The following MAST4 variants were observed in gnomAD, a reference collection of about 807,000 sequenced individuals.
MAST4 encodes microtubule associated serine/threonine kinase family member 4.
A neutral mutation model predicts 162.7 loss-of-function variants in MAST4; 89 were observed. That is an observed-to-expected ratio of 0.55 (90% confidence interval 0.46 to 0.65). MAST4 has a LOEUF of 0.65. MAST4 is among the 30% of genes least tolerant of loss of function. MAST4 has a pLI of 0.00. For missense variants in MAST4, 3,153 were observed against 3,374.0 expected, an observed-to-expected ratio of 0.93 and a Z score of 1.62; for synonymous variants, 1,479 against 1,361.1, an observed-to-expected ratio of 1.09 and a Z score of -1.91.
At chr5:67,130,124 T>G (rs1317933726) in intron 14 of MAST4, 86 bp from the exon 15 acceptor site, 3 of 1,273,136 alleles carry the variant, frequency 2.4e-6, no homozygotes, top group Non-Finnish European at 2.2e-6. Flanking sequence ...TTTTAAAAAG[T>G]TGATGATTTA....
In MAST4 at chr5:67,168,848, G is replaced by A. The variant is rs1774325578; in HGVS notation, c.*1797G>A. 6.6e-6 allele frequency: 1 copy of A among 151,970 alleles called. No individual in the cohort carries two copies. The highest frequency in any genetic ancestry group is 1.5e-5 in the Non-Finnish European group (1 of 68,014). 9.4% of individuals were successfully genotyped at this position (151,970 alleles called of 1,614,324 possible). On this transcript the variant is annotated 3_prime_UTR_variant, in exon 29 of 29. Coordinates refer to ENST00000403625, the MANE Select transcript of MAST4 (RefSeq NM_001164664.2). ...AAACAAAGGCATAACTTAACCGACT[G>A]CTCAGTTGTCCTTCGTTGTAAAATG...
At chr5:66,845,278 C>A (rs1431197340) in intron 3 of MAST4, among the ~76,000 whole-genome samples, 1 of 151,512 alleles carries the variant, frequency 6.6e-6, no homozygotes, top group Non-Finnish European at 1.5e-5. Flanking sequence ...ATCCCTCCAC[C>A]CCACAACAGG....
chr5:66,926,013 G>C (rs892810473), intron 4 of MAST4, among the ~76,000 whole-genome samples: 6 of 151,276 alleles, frequency 4.0e-5, no homozygotes, highest in Admixed American at 4.0e-4. Context: ...ATTAATGTTT[G>C]ACCAGTCTTC....
At chr5:67,045,466 T>G (rs1284797221) in intron 4 of MAST4, among the ~76,000 whole-genome samples, 3 of 152,168 alleles carry the variant, frequency 2.0e-5, no homozygotes, top group African/African-American at 7.2e-5. Context: ...GGAGAATAAC[T>G]CAGGAGAAAT....
intron 4 of MAST4, among the ~76,000 whole-genome samples, chr5:66,901,178 T>C (rs1180083467): frequency 1.3e-5 from 2 of 152,146 alleles, no homozygotes; most frequent in Non-Finnish European, 2.9e-5. Flanking sequence ...AATACTTTTA[T>C]AGAAAAAAAT....
chr5:66,776,753 A>G (rs892694040), intron 2 of MAST4, among the ~76,000 whole-genome samples: 4 of 152,338 alleles, frequency 2.6e-5, no homozygotes, highest in African/African-American at 4.8e-5. Flanking sequence ...ATATTGTGCT[A>G]GGTGTGACGT....
intron 26 of MAST4, among the ~76,000 whole-genome samples, chr5:67,158,448 C>T (rs1364209582): frequency 1.3e-5 from 2 of 151,990 alleles, no homozygotes; most frequent in South Asian, 2.1e-4. Flanking sequence ...TGTGTGCTCC[C>T]GTAATCCCAG....
chr5:66,795,550 A>C (rs932648012), intron 3 of MAST4, among the ~76,000 whole-genome samples: 2 of 152,252 alleles, frequency 1.3e-5, no homozygotes, highest in African/African-American at 4.8e-5. Flanking sequence ...TCAGCAGTCA[A>C]TAGTGTTATC....
At chr5:66,703,334 A>C (rs1464259025) in intron 1 of MAST4, among the ~76,000 whole-genome samples, 1 of 152,230 alleles carries the variant, frequency 6.6e-6, no homozygotes, top group African/African-American at 2.4e-5. Flanking sequence ...TGCCTTTACC[A>C]AGTCATGTAA....
At chr5:66,947,324 G>C (rs186172749) in intron 4 of MAST4, among the ~76,000 whole-genome samples, 1 of 152,182 alleles carries the variant, frequency 6.6e-6, no homozygotes, top group African/African-American at 2.4e-5. Context: ...CTGAAATAAA[G>C]GAATATGGTT....
At chr5:66,855,778 G>T (rs1490199608) in intron 3 of MAST4, among the ~76,000 whole-genome samples, 1 of 152,192 alleles carries the variant, frequency 6.6e-6, no homozygotes, top group African/African-American at 2.4e-5. Flanking sequence ...TCTCCCAGGG[G>T]AATGGACTTT....
intron 1 of MAST4, among the ~76,000 whole-genome samples, chr5:66,620,739 C>T (rs1042771839): frequency 7.3e-5 from 11 of 151,172 alleles, no homozygotes; most frequent in Middle Eastern, 3.5e-3. Flanking sequence ...TCTCTCTTTT[C>T]TCCACCTCAT....
chr5:66,749,872 A>G (rs557583890), intron 1 of MAST4, among the ~76,000 whole-genome samples: 4 of 152,216 alleles, frequency 2.6e-5, no homozygotes, highest in Admixed American at 6.5e-5. Flanking sequence ...TAACTGTAGA[A>G]GCCTGTTCTA....
At chr5:67,132,556 A>G (rs1339025087) in intron 16 of MAST4, among the ~76,000 whole-genome samples, 2 of 152,054 alleles carry the variant, frequency 1.3e-5, no homozygotes, top group African/African-American at 2.4e-5. Context: ...ATTCTATGTT[A>G]CTCACAGTTT....
chr5:66,940,300 CA>C (rs1297876093), intron 4 of MAST4, among the ~76,000 whole-genome samples: 3 of 151,992 alleles, frequency 2.0e-5, no homozygotes, highest in Non-Finnish European at 4.4e-5. Context: ...TGAAATAATT[CA>C]ACAATGAGGT....
intron 3 of MAST4, among the ~76,000 whole-genome samples, chr5:66,801,203 G>T (rs1285204042): frequency 2.6e-5 from 4 of 152,168 alleles, no homozygotes; most frequent in African/African-American, 4.8e-5. Context: ...TAACAGGCCT[G>T]TGTATCTCCA....
rs561293263 is a variant in MAST4 at position 66,879,273 on chromosome 5, C to T, written c.643-20678C>T. On this transcript the variant is annotated intron_variant, in intron 3 of 28. Coordinates refer to ENST00000403625, the MANE Select transcript of MAST4 (RefSeq NM_001164664.2). Reference sequence around the variant, plus strand: ...CAGCCTGGGTGACAGAGCAAGACTCCGTCTCAAAAAAAAAGTACAAATTAA... The same window carrying T: ...CAGCCTGGGTGACAGAGCAAGACTCTGTCTCAAAAAAAAAGTACAAATTAA... 6.6e-3 allele frequency among the ~76,000 whole-genome samples: 256 copies of T among 38,576 alleles called. 1 individual carries two copies. Among genetic ancestry groups the T allele is most frequent in the African/African-American group, 0.025 (237 of 9,574 alleles). 25.3% of individuals were successfully genotyped at this position (38,576 alleles called of 152,430 possible).
Position 66,751,749 on chromosome 5 carries a change from G to A in MAST4, c.364-7960G>A, listed in dbSNP as rs1485225017. On this transcript the variant is annotated intron_variant, in intron 1 of 28. Coordinates refer to ENST00000403625, the MANE Select transcript of MAST4 (RefSeq NM_001164664.2). ...GATATTATCCAGGAGAACTTCCCCA[G>A]TCTAGCAAGGCAGGCCAACGTTCAG... Among the ~76,000 whole-genome samples the A allele has an allele frequency of 1.2e-3, 185 of 149,016 alleles. 1 individual carries two copies. The highest frequency in any genetic ancestry group is 3.6e-3 in the South Asian group (16 of 4,420).
chr5:66,831,616 A>T (rs1195904773), intron 3 of MAST4, among the ~76,000 whole-genome samples: 1 of 152,226 alleles, frequency 6.6e-6, no homozygotes, highest in Non-Finnish European at 1.5e-5. Context: ...TCAAATCATG[A>T]CAAGCTCATA....
Sources: allele counts gnomAD v4.1 joint callset (sites outside exome capture counted in the v4.1 genomes callset), GRCh38; gene constraint gnomAD v4.1.1; transcripts MANE v1.5; gene names NCBI Gene and HGNC (gene_info 2026-07-23, HGNC 2026-07-21).